Variants in RBBP8 observed in about 807,000 individuals in gnomAD.
RBBP8 encodes the protein DNA endonuclease RBBP8.
A neutral mutation model predicts 108.3 loss-of-function variants in RBBP8; 88 were observed. The observed-to-expected ratio is 0.81, with a 90% confidence interval of 0.68 to 0.97. The LOEUF is 0.97. Among genes scored for constraint, RBBP8 ranks in the 50% least tolerant of loss-of-function variants. RBBP8 has a pLI of 0.00. For synonymous variants in RBBP8, 332 were observed against 348.2 expected (o/e 0.95, Z 0.52); for missense variants, 1,023 against 1,049.0 (o/e 0.98, Z 0.34).
intron 17 of RBBP8, among the ~76,000 whole-genome samples, chr18:23,020,334 T>C (rs931413613): frequency 6.6e-6 from 1 of 151,874 alleles, no homozygotes; most frequent in Non-Finnish European, 1.5e-5. Context: ...GGCAGGAAAA[T>C]CACTTGAACC....
chr18:22,923,076 G>A (rs927020030), intron 3 of RBBP8, among the ~76,000 whole-genome samples: 7 of 152,088 alleles, frequency 4.6e-5, no homozygotes, highest in African/African-American at 1.7e-4. Context: ...GATCTGATTA[G>A]CTGTAGCTCT....
chr18:22,954,828 C>A (rs536821401), intron 4 of RBBP8, among the ~76,000 whole-genome samples: 3 of 152,122 alleles, frequency 2.0e-5, no homozygotes, highest in Middle Eastern at 6.8e-3. Context: ...GAGGAAGTGC[C>A]AAGCAAAAGG....
intron 14 of RBBP8, among the ~76,000 whole-genome samples, chr18:23,000,740 C>CAAA (rs78173403): frequency 1.1e-5 from 1 of 87,148 alleles, no homozygotes. Flanking sequence ...GACTCCGTCT[C>CAAA]AAAAAAAAAA....
intron 6 of RBBP8, among the ~76,000 whole-genome samples, chr18:22,977,036 C>T (rs1914545190): frequency 6.6e-6 from 1 of 151,992 alleles, no homozygotes. Context: ...TATAGATGAG[C>T]TTAAGGCATG....
At chr18:22,962,724 A>G (rs1015950889) in intron 4 of RBBP8, among the ~76,000 whole-genome samples, 16 of 131,924 alleles carry the variant, frequency 1.2e-4, no homozygotes, top group African/African-American at 4.3e-4. Context: ...CAACCTCCCT[A>G]GTAGCTGGGA....
At chr18:22,959,325 G>A (rs1193639383) in intron 4 of RBBP8, among the ~76,000 whole-genome samples, 1 of 152,178 alleles carries the variant, frequency 6.6e-6, no homozygotes, top group Non-Finnish European at 1.5e-5. Context: ...TACTGATACA[G>A]TCTGCCATTC....
intron 1 of RBBP8, chr18:22,915,294 T>C (rs1201747066): frequency 6.6e-6 from 1 of 152,156 alleles, no homozygotes; most frequent in African/African-American, 2.4e-5. Flanking sequence ...GTCACTATGT[T>C]CAAACTCAAA....
intron 4 of RBBP8, among the ~76,000 whole-genome samples, chr18:22,967,318 A>C (rs932300564): frequency 6.9e-6 from 1 of 145,918 alleles, no homozygotes; most frequent in Non-Finnish European, 1.5e-5. Flanking sequence ...GTGAGCTGAG[A>C]TTGCGCCACT....
chr18:22,962,365 A>T (rs531140499), intron 4 of RBBP8, among the ~76,000 whole-genome samples: 1 of 152,082 alleles, frequency 6.6e-6, no homozygotes, highest in Non-Finnish European at 1.5e-5. Context: ...CACCTGTAAC[A>T]GTCTCTTGCA....
intron 4 of RBBP8, among the ~76,000 whole-genome samples, chr18:22,955,868 C>T (rs1912486958): frequency 1.3e-5 from 2 of 152,218 alleles, no homozygotes; most frequent in South Asian, 4.1e-4. Context: ...GTGTGAGCCA[C>T]CGCGCCTGGC....
In RBBP8 at chr18:23,022,251, T is replaced by C. The variant is rs1339124913; in HGVS notation, c.2577T>C (p.Thr859=). The change falls in exon 18 of 19, where the codon ACT becomes ACC. Residue 859 remains threonine (T), a synonymous_variant. Transcript: ENST00000327155. ...TTTGGGAAGTTGGTTTTCCTTCCAC[T>C]CAGACTTGTATGGAAAGAGGTGAGA... ...ENFWEVGFPS[T]QTCMERGYIK... 6.2e-7 allele frequency: 1 copy of C among 1,611,418 alleles called. No homozygotes were observed. Among genetic ancestry groups the C allele is most frequent in the South Asian group, 1.1e-5 (1 of 91,006 alleles).
intron 3 of RBBP8, among the ~76,000 whole-genome samples, chr18:22,919,190 T>A (rs1456973797): frequency 6.6e-6 from 1 of 152,176 alleles, no homozygotes. Context: ...TTGTGAAATG[T>A]ATTGGTCAGA....
At chr18:22,953,531 C>T (rs1055020382) in intron 4 of RBBP8, among the ~76,000 whole-genome samples, 2 of 152,134 alleles carry the variant, frequency 1.3e-5, no homozygotes. Context: ...TCATCCTGCC[C>T]CTTGAAGACA....
intron 4 of RBBP8, among the ~76,000 whole-genome samples, chr18:22,955,586 T>C (rs1461512854): frequency 3.3e-5 from 5 of 151,548 alleles, no homozygotes; most frequent in Middle Eastern, 3.4e-3. Flanking sequence ...TATCTTTTTT[T>C]TTTTTTTTTG....
chr18:22,914,328 C>T (rs1909272008), intron 1 of RBBP8: 1 of 152,120 alleles, frequency 6.6e-6, no homozygotes, highest in African/African-American at 2.4e-5. Context: ...TTTAAAATTT[C>T]TCAGTTTCCT....
intron 4 of RBBP8, among the ~76,000 whole-genome samples, chr18:22,960,854 T>A (rs1913036243): frequency 6.6e-6 from 1 of 152,220 alleles, no homozygotes; most frequent in Non-Finnish European, 1.5e-5. Context: ...AAAATTGATT[T>A]GTAGTATATC....
At position 23,015,058 on chromosome 18, in the gene RBBP8, T is replaced by C. The variant is rs1018029576; in HGVS notation, c.2358-1770T>C. Reference sequence around the variant, plus strand: ...GTGCCACCACAGCCAGCTAATTTTTTATTTTTATTTTTTGTAGAGACAGGT... The same window carrying C: ...GTGCCACCACAGCCAGCTAATTTTTCATTTTTATTTTTTGTAGAGACAGGT... On this transcript the variant is annotated intron_variant, in intron 16 of 18. Transcript: ENST00000327155. Among the ~76,000 whole-genome samples, 21 of 152,052 alleles carry C rather than the reference T, an allele frequency of 1.4e-4. No individual in the cohort carries two copies. The South Asian group carries it at 1.7e-3, about 12-fold the overall frequency.
intron 5 of RBBP8, among the ~76,000 whole-genome samples, chr18:22,971,952 T>C (rs912624602): frequency 6.6e-6 from 1 of 151,402 alleles, no homozygotes; most frequent in Non-Finnish European, 1.5e-5. Context: ...GCCCCAGTGT[T>C]TAATTTCTAA....
intron 10 of RBBP8, 52 bp downstream of exon 10, chr18:22,991,101 T>A: frequency 8.1e-7 from 1 of 1,236,440 alleles, no homozygotes; most frequent in South Asian, 1.2e-5. Flanking sequence ...GAGATCCCAT[T>A]ACAATGAATT....
Sources: gnomAD v4.1 joint callset for allele counts (sites outside exome capture counted in the v4.1 genomes callset) on GRCh38, gnomAD v4.1.1 for gene constraint, MANE v1.5 for transcripts, NCBI Gene and HGNC (gene_info 2026-07-23, HGNC 2026-07-21) for gene names.